PABIR3: variants seen among roughly 807,000 people sequenced by gnomAD.
PABIR3 encodes the protein PABIR family member 3.
PABIR3 carries 20 observed loss-of-function variants against 23.1 expected under a neutral mutation model. The observed-to-expected ratio is 0.86, with a 90% CI of 0.61 to 1.26. The LOEUF (loss-of-function observed/expected upper bound fraction) is 1.26, where lower values mean the gene tolerates loss of function less well. Among genes scored for constraint, PABIR3 ranks in the 50% most tolerant of loss-of-function variants. The pLI is 0.00. For missense variants in PABIR3, 189 were observed against 195.4 expected (o/e 0.97, Z 0.20); for synonymous variants, 69 against 68.5 (o/e 1.01, Z -0.04).
At position 134,854,075 on chromosome X, in the gene PABIR3, C is replaced by T. The variant is rs927950324; in HGVS notation, c.687-16C>T. ...CTTGAGTTCTGCTATCAATGAGTGG[C>T]ATTTTCTTCTTCTAGTCTACTTCCA... On this transcript the variant is annotated splice_polypyrimidine_tract_variant and intron_variant, in intron 10 of 10. Coordinates refer to ENST00000645433, the MANE Select transcript of PABIR3 (RefSeq NM_001388447.1). The T allele has an allele frequency of 8.3e-7, 1 of 1,208,176 alleles. No individual in the cohort carries two copies. The highest frequency in any genetic ancestry group is 1.1e-6 in the Non-Finnish European group (1 of 893,267).
chrX:134,843,339 T>C (rs1399790953), intron 4 of PABIR3, among the ~76,000 whole-genome samples: 1 of 110,908 alleles, frequency 9.0e-6, no homozygotes, highest in East Asian at 2.8e-4. Context: ...TGTTATCTTC[T>C]AAGAGATTTA....
chrX:134,831,520 C>T (rs1450300943), intron 4 of PABIR3: 2 of 111,568 alleles, frequency 1.8e-5, no homozygotes, highest in African/African-American at 6.5e-5. Context: ...ATTGATTTTT[C>T]AAAATGGGGG....
intron 10 of PABIR3, among the ~76,000 whole-genome samples, chrX:134,853,809 G>A (rs1416241372): frequency 9.0e-6 from 1 of 110,519 alleles, no homozygotes; most frequent in Non-Finnish European, 1.9e-5. Flanking sequence ...TAGTATAGAT[G>A]GGGTTTCACC....
chrX:134,832,509 T>C (rs1430103996), intron 4 of PABIR3, among the ~76,000 whole-genome samples: 4 of 102,764 alleles, frequency 3.9e-5, no homozygotes, highest in Admixed American at 2.1e-4. Flanking sequence ...TCAAGTGATT[T>C]TCCTGCCTCA....
intron 2 of PABIR3, chrX:134,810,826 A>G: frequency 1.3e-6 from 1 of 753,778 alleles, no homozygotes; most frequent in Non-Finnish European, 1.6e-6. Context: ...AATTAAAGAT[A>G]TAGAAACCAC....
chrX:134,852,874 C>T lies in PABIR3; in HGVS notation c.664C>T (p.Gln222Ter). Residue 222 changes from glutamine (Q) to a stop codon, truncating the protein, a stop_gained, in exon 10 of 11, where the codon CAA (glutamine) becomes TAA (stop). Transcript: ENST00000645433. LOFTEE classifies it low-confidence loss of function (END_TRUNC). ...TTNMLSSDTS[Q>*]LSENNVYLLP... Reference sequence around the variant, plus strand: ...CAACATGCTTTCTTCTGATACTTCCCAACTGTCAGAAAATAATGTGTAGTG... The same window carrying T: ...CAACATGCTTTCTTCTGATACTTCCTAACTGTCAGAAAATAATGTGTAGTG... 1.8e-6 allele frequency: 2 copies of T among 1,130,950 alleles called. No homozygotes were observed. Among genetic ancestry groups the T allele is most frequent in the Non-Finnish European group, 2.3e-6 (2 of 860,766 alleles). 93.2% of individuals were successfully genotyped at this position (1,130,950 alleles called of 1,213,427 possible).
intron 2 of PABIR3, 73 bp from the exon 3 acceptor site, chrX:134,814,698 C>T (rs1404644992): frequency 1.5e-5 from 12 of 781,259 alleles, no homozygotes; most frequent in East Asian, 3.8e-5. Context: ...AGCGAGACTC[C>T]GTCTCAAAAA....
chrX:134,830,459 A>C (rs1046759147), intron 4 of PABIR3, among the ~76,000 whole-genome samples: 2 of 104,710 alleles, frequency 1.9e-5, no homozygotes, highest in African/African-American at 7.0e-5. Context: ...AAGCCTCCCA[A>C]GTAGCTGGGA....
At chrX:134,856,773 G>C (rs950576970), downstream of PABIR3, among the ~76,000 whole-genome samples, 4 of 110,833 alleles carry the variant, frequency 3.6e-5, no homozygotes, top group East Asian at 1.2e-3. Context: ...CACTTTGGGA[G>C]GCCGAAGTGG....
intron 3 of PABIR3, chrX:134,822,227 A>T (rs1384642287): frequency 1.3e-6 from 1 of 745,971 alleles, no homozygotes; most frequent in Admixed American, 8.8e-5. Context: ...GATGTTTATT[A>T]CATCTCAGTG....
chrX:134,808,875 A>G (rs975246594), intron 2 of PABIR3, among the ~76,000 whole-genome samples: 1 of 111,995 alleles, frequency 8.9e-6, no homozygotes, highest in African/African-American at 3.2e-5. Context: ...GATCTCCTAA[A>G]TTACACATTC....
chrX:134,862,142 G>GTTTTTTTTTTTTTT, the PABIR3 span, among the ~76,000 whole-genome samples: 1 of 47,909 alleles, frequency 2.1e-5, no homozygotes, highest in Non-Finnish European at 3.6e-5. Context: ...TTTATTGGCT[G>GTTTTTTTTTTTTTT]TTTTTTTTTT....
At chrX:134,862,112 T>G in the PABIR3 span, among the ~76,000 whole-genome samples, 1 of 107,645 alleles carries the variant, frequency 9.3e-6, no homozygotes, top group African/African-American at 3.4e-5. Flanking sequence ...ATTAATGGGA[T>G]CTCGTTTTTG....
At chrX:134,833,841 A>G (rs1282971846) in intron 4 of PABIR3, among the ~76,000 whole-genome samples, 1 of 111,958 alleles carries the variant, frequency 8.9e-6, no homozygotes, top group Non-Finnish European at 1.9e-5. Context: ...TGCAAAGGAC[A>G]TGATCTCATT....
intron 4 of PABIR3, chrX:134,835,436 G>C (rs56343327): frequency 9.0e-6 from 1 of 110,896 alleles, no homozygotes; most frequent in African/African-American, 3.3e-5. Flanking sequence ...TGAACACACA[G>C]CTCCAAGTCA....
Position 134,816,087 on chromosome X carries a change from T to G in PABIR3, c.189+1238T>G, listed in dbSNP as rs189171603. On this transcript the variant is annotated intron_variant, in intron 3 of 10. Transcript: ENST00000645433. ...CCCACCTTGTTCAATTAATATGGTA[T>G]ATTACATTGATTTTTTTCCATGTTG... is the stretch of plus-strand genomic sequence containing the variant. Among the ~76,000 whole-genome samples, 12 of 112,637 alleles carry G rather than the reference T, an allele frequency of 1.1e-4. No individual in the cohort carries two copies. The East Asian group carries it at 3.1e-3, about 29-fold the overall frequency.
chrX:134,829,638 A>G (rs1296862359), intron 4 of PABIR3, among the ~76,000 whole-genome samples: 2 of 111,805 alleles, frequency 1.8e-5, no homozygotes, highest in South Asian at 3.7e-4. Flanking sequence ...TTTGACAGAT[A>G]AAATGGCCTT....
rs374919785 is a variant in PABIR3 at position 134,849,869 on chromosome X, C to CTTTTT, written c.589+655_589+659dup. On this transcript the variant is annotated intron_variant, in intron 9 of 10. Transcript: ENST00000645433. ...ACCTCACTAAATTATGCTCTTCTTC[C>CTTTTT]TTTTTTTTTTTTTTTTTTCTTGAGA... 2.0e-4 allele frequency among the ~76,000 whole-genome samples: 12 copies of CTTTTT among 58,852 alleles called. 1 individual carries two copies. Among genetic ancestry groups the CTTTTT allele is most frequent in the Admixed American group, 6.1e-4 (2 of 3,253 alleles). 51.1% of individuals were successfully genotyped at this position (58,852 alleles called of 115,157 possible). A position where few individuals can be genotyped will look rare whatever the true frequency, so the allele number is the denominator to read the frequency against.
chrX:134,836,130 G>A (rs886584063), intron 4 of PABIR3, among the ~76,000 whole-genome samples: 2 of 111,859 alleles, frequency 1.8e-5, no homozygotes, highest in Non-Finnish European at 3.8e-5. Flanking sequence ...GAGCCACTAC[G>A]CCTGGCCATT....
Sources: allele counts gnomAD v4.1 joint callset (sites outside exome capture counted in the v4.1 genomes callset), GRCh38; gene constraint gnomAD v4.1.1; transcripts MANE v1.5; gene names NCBI Gene and HGNC (gene_info 2026-07-23, HGNC 2026-07-21).